CADM2: variants seen among roughly 807,000 people sequenced by gnomAD.
The protein encoded by CADM2 is cell adhesion molecule 2.
CADM2 carries 12 observed loss-of-function variants against 49.8 expected under a neutral mutation model. That is an observed-to-expected ratio of 0.24 (90% CI 0.15 to 0.39). The LOEUF is 0.39. Among genes scored for constraint, CADM2 ranks in the 10% least tolerant of loss-of-function variants. The pLI is 1.00. For synonymous variants in CADM2, 214 were observed against 175.4 expected, an observed-to-expected ratio of 1.22 and a Z score of -1.74; for missense variants, 378 against 492.3, an observed-to-expected ratio of 0.77 and a Z score of 2.20.
chr3:85,497,646 G>A (rs2039959124), intron 1 of CADM2, among the ~76,000 whole-genome samples: 1 of 151,940 alleles, frequency 6.6e-6, no homozygotes, highest in Non-Finnish European at 1.5e-5. Context: ...AAAACTTATA[G>A]CGGTATGTTT....
intron 1 of CADM2, among the ~76,000 whole-genome samples, chr3:85,328,437 T>C (rs2044815036): frequency 6.6e-6 from 1 of 152,216 alleles, no homozygotes; most frequent in African/African-American, 2.4e-5. Flanking sequence ...GCCAACATGC[T>C]TCATCTTTGC....
intron 2 of CADM2, among the ~76,000 whole-genome samples, chr3:85,767,958 C>T (rs2069746328): frequency 6.6e-6 from 1 of 152,172 alleles, no homozygotes; most frequent in South Asian, 2.1e-4. Flanking sequence ...AAAATCTATA[C>T]AACAAAGATA....
chr3:85,814,249 G>C (rs893786308), intron 3 of CADM2, among the ~76,000 whole-genome samples: 1 of 152,028 alleles, frequency 6.6e-6, no homozygotes, highest in East Asian at 1.9e-4. Context: ...CCTTGAAGAG[G>C]TCCTTCATAT....
At chr3:85,451,818 G>A (rs2037759773) in intron 1 of CADM2, among the ~76,000 whole-genome samples, 1 of 152,018 alleles carries the variant, frequency 6.6e-6, no homozygotes, top group African/African-American at 2.4e-5. Flanking sequence ...AATAACAGTG[G>A]TCAGCAATTT....
intron 1 of CADM2, among the ~76,000 whole-genome samples, chr3:85,211,549 T>A (rs1334348549): frequency 6.6e-6 from 1 of 152,198 alleles, no homozygotes; most frequent in Non-Finnish European, 1.5e-5. Context: ...AGCCTTCTGG[T>A]CACCCAAGAG....
intron 1 of CADM2, among the ~76,000 whole-genome samples, chr3:85,282,266 GC>G (rs200279180): frequency 2.0e-3 from 159 of 78,836 alleles, no homozygotes; most frequent in African/African-American, 6.6e-3. Context: ...TTTTTTTTTT[GC>G]CTTTTTTTTT....
intron 8 of CADM2, among the ~76,000 whole-genome samples, chr3:86,055,067 G>T (rs1737760843): frequency 6.6e-6 from 1 of 152,084 alleles, no homozygotes; most frequent in African/African-American, 2.4e-5. Context: ...AATAAACTAG[G>T]CACTGTGAAA....
intron 1 of CADM2, among the ~76,000 whole-genome samples, chr3:85,704,866 A>T (rs11918352): frequency 0.023 from 3,302 of 144,800 alleles, 87 homozygotes; most frequent in African/African-American, 0.067. Context: ...TATTATTATT[A>T]TTTTTTTTTT....
At chr3:85,068,709 C>G (rs976787369) in intron 1 of CADM2, among the ~76,000 whole-genome samples, 3 of 151,984 alleles carry the variant, frequency 2.0e-5, no homozygotes, top group African/African-American at 7.2e-5. Context: ...TTGAGAACAT[C>G]TGTAAGATAC....
intron 3 of CADM2, among the ~76,000 whole-genome samples, chr3:85,837,905 T>C (rs1191778405): frequency 6.6e-6 from 1 of 151,782 alleles, no homozygotes; most frequent in Non-Finnish European, 1.5e-5. Flanking sequence ...TTTATACTAA[T>C]TATCCATTCA....
chr3:85,813,975 T>A (rs1199207186), intron 3 of CADM2, among the ~76,000 whole-genome samples: 1 of 152,176 alleles, frequency 6.6e-6, no homozygotes, highest in African/African-American at 2.4e-5. Context: ...GGTAGTGTGA[T>A]GCCTCCAGCT....
At chr3:85,964,408 C>A (rs977386923) in intron 8 of CADM2, among the ~76,000 whole-genome samples, 3 of 151,444 alleles carry the variant, frequency 2.0e-5, no homozygotes, top group Admixed American at 2.0e-4. Context: ...CCTGTGAAAT[C>A]ATCTACTATC....
chr3:85,572,516 A>G (rs1232605554), intron 1 of CADM2, among the ~76,000 whole-genome samples: 1 of 152,108 alleles, frequency 6.6e-6, no homozygotes, highest in Non-Finnish European at 1.5e-5. Flanking sequence ...ATTGGCGTGC[A>G]TGATTATGGA....
intron 1 of CADM2, among the ~76,000 whole-genome samples, chr3:85,269,261 T>G (rs1239565608): frequency 6.6e-6 from 1 of 151,484 alleles, no homozygotes; most frequent in Non-Finnish European, 1.5e-5. Flanking sequence ...GAACACCAAA[T>G]GTCACGGAAT....
intron 1 of CADM2, among the ~76,000 whole-genome samples, chr3:85,010,849 G>GTATTTTT (rs1344797276): frequency 2.5e-5 from 1 of 40,638 alleles, no homozygotes; most frequent in Non-Finnish European, 4.5e-5. Flanking sequence ...CTCTGTTTAT[G>GTATTTTT]TCTTTTTTTT....
chr3:85,959,150 A>ATC (rs71128104), intron 7 of CADM2, among the ~76,000 whole-genome samples: 163 of 145,400 alleles, frequency 1.1e-3, no homozygotes, highest in Middle Eastern at 3.6e-3. Context: ...TTATCTATCT[A>ATC]TCTCTCTCTC....
At chr3:85,208,826 A>G (rs964543397) in intron 1 of CADM2, among the ~76,000 whole-genome samples, 5 of 152,200 alleles carry the variant, frequency 3.3e-5, no homozygotes, top group African/African-American at 9.6e-5. Context: ...AACAACAAGC[A>G]TATCCAATGA....
At chr3:85,689,479 G>T (rs536163259) in intron 1 of CADM2, among the ~76,000 whole-genome samples, 1 of 152,260 alleles carries the variant, frequency 6.6e-6, no homozygotes, top group East Asian at 1.9e-4. Flanking sequence ...ATATGTTTGG[G>T]TATGTATATG....
chr3:85,384,058 T>A (rs1256768256), intron 1 of CADM2, among the ~76,000 whole-genome samples: 4 of 152,118 alleles, frequency 2.6e-5, no homozygotes, highest in African/African-American at 9.7e-5. Flanking sequence ...GCCAGAAAAA[T>A]TCAAATTGGT....
Sources: gnomAD v4.1 joint callset for allele counts (sites outside exome capture counted in the v4.1 genomes callset) on GRCh38, gnomAD v4.1.1 for gene constraint, MANE v1.5 for transcripts, NCBI Gene and HGNC (gene_info 2026-07-23, HGNC 2026-07-21) for gene names.